GPR158: variants seen among roughly 807,000 people sequenced by gnomAD.
GPR158 encodes G protein-coupled receptor 158.
A neutral mutation model predicts 78.2 loss-of-function variants in GPR158; 30 were observed. The ratio of observed to expected loss-of-function variants is 0.38; its 90% CI spans 0.29 to 0.52. The LOEUF is 0.52. GPR158 is among the 20% of genes least tolerant of loss of function. The pLI, the probability that GPR158 is intolerant of heterozygous loss-of-function variation, is 0.83. For missense variants in GPR158, 1,463 were observed against 1,523.5 expected, an observed-to-expected ratio of 0.96 and a Z score of 0.66; for synonymous variants, 581 against 591.1, an observed-to-expected ratio of 0.98 and a Z score of 0.25.
chr10:25,353,544 C>T (rs1444066580), intron 2 of GPR158, among the ~76,000 whole-genome samples: 4 of 151,780 alleles, frequency 2.6e-5, no homozygotes, highest in African/African-American at 4.8e-5. Flanking sequence ...GAGCTCTGAA[C>T]GTCTACCTCT....
At chr10:25,244,995 A>G (rs182992655) in intron 2 of GPR158, 8 of 152,296 alleles carry the variant, frequency 5.3e-5, no homozygotes, top group Non-Finnish European at 1.0e-4. Flanking sequence ...GTTCTCAGCA[A>G]AGCTTCCAAT....
At chr10:25,414,950 G>A (rs750020150) in intron 4 of GPR158, among the ~76,000 whole-genome samples, 1 of 152,148 alleles carries the variant, frequency 6.6e-6, no homozygotes, top group African/African-American at 2.4e-5. Context: ...GAGACTTTGT[G>A]AGAATTGCTT....
At chr10:25,438,460 T>C (rs752444906) in intron 4 of GPR158, among the ~76,000 whole-genome samples, 1 of 152,236 alleles carries the variant, frequency 6.6e-6, no homozygotes, top group Admixed American at 6.5e-5. Flanking sequence ...CATTTGTTTG[T>C]TCTTAAAGTG....
intron 4 of GPR158, among the ~76,000 whole-genome samples, chr10:25,453,403 T>C (rs1442161233): frequency 6.6e-6 from 1 of 152,214 alleles, no homozygotes; most frequent in Non-Finnish European, 1.5e-5. Flanking sequence ...TCTTGTCTTT[T>C]TGATAATAGC....
intron 7 of GPR158, among the ~76,000 whole-genome samples, chr10:25,574,169 A>C (rs1837055192): frequency 7.1e-6 from 1 of 140,706 alleles, no homozygotes. Context: ...AAAAAAAAAA[A>C]AAACCTCAAA....
intron 2 of GPR158, among the ~76,000 whole-genome samples, chr10:25,352,539 T>C (rs1177646404): frequency 1.5e-5 from 2 of 129,690 alleles, no homozygotes; most frequent in Non-Finnish European, 1.5e-5. Context: ...AGATGACTTT[T>C]GCTGATTGGT....
At chr10:25,451,107 G>A (rs760287665) in intron 4 of GPR158, among the ~76,000 whole-genome samples, 1 of 152,010 alleles carries the variant, frequency 6.6e-6, no homozygotes, top group Non-Finnish European at 1.5e-5. Flanking sequence ...GTGGTGCTTT[G>A]GTAAACATTC....
intron 5 of GPR158, among the ~76,000 whole-genome samples, chr10:25,540,444 A>G (rs1836563248): frequency 6.6e-6 from 1 of 152,248 alleles, no homozygotes; most frequent in Admixed American, 6.5e-5. Flanking sequence ...ATTACTGGGT[A>G]TACACCCAAA....
chr10:25,359,666 C>T (rs1564432230), intron 2 of GPR158, among the ~76,000 whole-genome samples: 2 of 152,102 alleles, frequency 1.3e-5, no homozygotes, highest in Admixed American at 6.6e-5. Flanking sequence ...CATTGATGGG[C>T]ATTTTGGTTG....
chr10:25,387,169 T>A lies in GPR158; in HGVS notation c.1009-8742T>A, dbSNP rs1016947576. On this transcript the variant is annotated intron_variant, in intron 2 of 10. Transcript: ENST00000376351. ...TTCCTCCTATTTTTAGTATGTTGGG[T>A]GTTTTTATCATAAAAGGGTGTTGCA... 3.9e-5 allele frequency among the ~76,000 whole-genome samples: 6 copies of A among 152,272 alleles called. No individual in the cohort carries two copies. The East Asian group carries it at 9.7e-4, about 24-fold the overall frequency.
In GPR158 at chr10:25,500,953, A is replaced by G. The variant is rs139506037; in HGVS notation, c.1404+34234A>G. ...CCAGCTATGTTTGGCATCAAGTCAC[A>G]TTCATACTGAAGGAAAATGTGCTTT... On this transcript the variant is annotated intron_variant, in intron 5 of 10. Transcript: ENST00000376351. 2.4e-3 allele frequency among the ~76,000 whole-genome samples: 373 copies of G among 152,322 alleles called. 3 individuals are homozygous for G. Among genetic ancestry groups the G allele is most frequent in the African/African-American group, 8.6e-3 (358 of 41,580 alleles).
chr10:25,228,941 A>C (rs896488781), intron 2 of GPR158, among the ~76,000 whole-genome samples: 1 of 151,792 alleles, frequency 6.6e-6, no homozygotes, highest in African/African-American at 2.4e-5. Context: ...AGGCTGAGGT[A>C]GCAGAATGGT....
intron 3 of GPR158, among the ~76,000 whole-genome samples, chr10:25,405,263 A>T (rs114081089): frequency 0.015 from 2,220 of 150,176 alleles, 59 homozygotes; most frequent in African/African-American, 0.052. Flanking sequence ...GAGAAGGGAG[A>T]CTAATTTTTC....
At chr10:25,320,125 T>G (rs1176137780) in intron 2 of GPR158, among the ~76,000 whole-genome samples, 2 of 152,224 alleles carry the variant, frequency 1.3e-5, no homozygotes, top group Non-Finnish European at 2.9e-5. Flanking sequence ...ACAGCACATC[T>G]GCCTTTAAGC....
intron 2 of GPR158, among the ~76,000 whole-genome samples, chr10:25,267,644 T>C (rs1854060341): frequency 6.6e-6 from 1 of 152,160 alleles, no homozygotes; most frequent in Admixed American, 6.6e-5. Context: ...AGTTCAAAGC[T>C]TCACCATAAT....
At chr10:25,418,711 C>T (rs529177375) in intron 4 of GPR158, among the ~76,000 whole-genome samples, 1 of 57,846 alleles carries the variant, frequency 1.7e-5, no homozygotes, top group South Asian at 6.1e-4. Flanking sequence ...ATGGAAATTT[C>T]AGAGAAACAA....
chr10:25,237,911 C>G (rs1853546119), intron 2 of GPR158, among the ~76,000 whole-genome samples: 1 of 152,002 alleles, frequency 6.6e-6, no homozygotes. Context: ...CTATCCCCTC[C>G]TTTTCCACCT....
intron 2 of GPR158, among the ~76,000 whole-genome samples, chr10:25,274,608 G>C (rs1854159142): frequency 6.6e-6 from 1 of 152,090 alleles, no homozygotes; most frequent in African/African-American, 2.4e-5. Context: ...ATTCTTTTGA[G>C]GTCAGAATGT....
At chr10:25,293,707 C>T (rs1327521645) in intron 2 of GPR158, among the ~76,000 whole-genome samples, 3 of 150,822 alleles carry the variant, frequency 2.0e-5, no homozygotes, top group Non-Finnish European at 4.4e-5. Flanking sequence ...CTCCTTGATT[C>T]TGGTTTGGGT....
Sources: allele counts gnomAD v4.1 joint callset (sites outside exome capture counted in the v4.1 genomes callset), GRCh38; gene constraint gnomAD v4.1.1; transcripts MANE v1.5; gene names NCBI Gene and HGNC (gene_info 2026-07-23, HGNC 2026-07-21).